The following BMX variants were observed in gnomAD, a reference collection of about 807,000 sequenced individuals.
BMX encodes the protein cytoplasmic tyrosine-protein kinase BMX.
In BMX, 31 loss-of-function variants were observed where a neutral mutation model predicts 59.2. The observed-to-expected ratio is 0.52, with a 90% CI of 0.39 to 0.71. BMX has a LOEUF of 0.71. BMX is among the 30% of genes least tolerant of loss of function. The probability of loss-of-function intolerance (pLI) is 0.00; values close to 1 mark genes in which losing one functional copy is unlikely to be tolerated. For missense variants in BMX, 474 were observed against 491.7 expected, an observed-to-expected ratio of 0.96 and a Z score of 0.34; for synonymous variants, 185 against 181.0, an observed-to-expected ratio of 1.02 and a Z score of -0.18.
At chrX:15,539,562 T>C (rs1925552569) in intron 14 of BMX, among the ~76,000 whole-genome samples, 1 of 111,565 alleles carries the variant, frequency 9.0e-6, no homozygotes, top group African/African-American at 3.3e-5. Context: ...ACTCCCAAGC[T>C]CATCAACTTG....
intron 3 of BMX, 128 bp downstream of exon 3, chrX:15,509,561 C>T (rs1038930491): frequency 2.1e-6 from 1 of 485,926 alleles, no homozygotes; most frequent in Admixed American, 4.9e-5. Flanking sequence ...AATATTCCCA[C>T]ATGGGAGTTG....
intron 11 of BMX, among the ~76,000 whole-genome samples, chrX:15,533,255 G>C (rs1285363311): frequency 1.8e-5 from 2 of 111,809 alleles, no homozygotes; most frequent in African/African-American, 6.5e-5. Context: ...GTAAACTCTT[G>C]TCATGTGGCT....
intron 11 of BMX, among the ~76,000 whole-genome samples, chrX:15,532,325 T>G (rs1299496365): frequency 9.0e-6 from 1 of 111,103 alleles, no homozygotes; most frequent in Non-Finnish European, 1.9e-5. Flanking sequence ...AGCTCTTTTT[T>G]TTTCCTTCTA....
Position 15,542,161 on chromosome X carries a change from C to T in BMX, c.1574C>T (p.Ala525Val), listed in dbSNP as rs375810047. ...TGCTACGATGTCTGTGAAGGCATGGCCTTCTTGGAGAGTCACCAATTCATA... is the reference window on the plus strand; with the variant it reads ...TGCTACGATGTCTGTGAAGGCATGGTCTTCTTGGAGAGTCACCAATTCATA... ...EMCYDVCEGM[A>V]FLESHQFIHR... The change falls in exon 15 of 19, where the codon GCC (alanine) becomes GTC (valine). Residue 525 changes from alanine to valine, a missense_variant. Transcript: ENST00000348343. 1.2e-5 allele frequency: 14 copies of T among 1,209,403 alleles called. No homozygotes were observed. Among genetic ancestry groups the T allele is most frequent in the Non-Finnish European group, 1.6e-5 (14 of 894,949 alleles).
Position 15,525,356 on chromosome X carries a change from A to G in BMX, c.821A>G (p.Lys274Arg). 2 of 1,205,849 alleles carry G rather than the reference A, an allele frequency of 1.7e-6. No individual in the cohort carries two copies. The highest frequency in any genetic ancestry group is 2.2e-6 in the Non-Finnish European group (2 of 890,576). Residue 274 changes from lysine (K) to arginine (R), a missense_variant, in exon 8 of 19, where the codon AAG becomes AGG. Coordinates refer to ENST00000348343, the MANE Select transcript of BMX (RefSeq NM_203281.3). ...AGAAATGTGAATCACACCACCTCAAAGATTTCATGGTAAATCAAATTCAGA... is the reference window on the plus strand; with the variant it reads ...AGAAATGTGAATCACACCACCTCAAGGATTTCATGGTAAATCAAATTCAGA... ...KERNVNHTTSKISWEFPESSS... is the reference protein window; with the variant it reads ...KERNVNHTTSRISWEFPESSS...
chrX:15,525,689 C>T (rs1924680929), intron 8 of BMX, among the ~76,000 whole-genome samples: 1 of 111,734 alleles, frequency 8.9e-6, no homozygotes, highest in South Asian at 3.7e-4. Flanking sequence ...ATACACAACC[C>T]AATTTTTTTT....
chrX:15,519,714 G>A (rs190605065), intron 6 of BMX, among the ~76,000 whole-genome samples: 13 of 112,100 alleles, frequency 1.2e-4, no homozygotes, highest in Admixed American at 4.7e-4. Context: ...ACTGGCATCG[G>A]CATCTGATGA....
chrX:15,546,898 G>A lies in BMX; in HGVS notation c.1772G>A (p.Ser591Asn). ...GTGTTTCATTACTTCAAATACAGCA[G>A]CAAGTCAGACGTATGGGCATTTGGT... The part of the protein sequence containing the change: ...PEVFHYFKYS[S>N]KSDVWAFGIL... The change falls in exon 17 of 19, where the codon AGC becomes AAC. Residue 591 changes from serine to asparagine, a missense_variant. Ser to Asn is a conservative substitution (Grantham distance 46). Transcript: ENST00000348343. The A allele has an allele frequency of 8.3e-7, 1 of 1,209,360 alleles. No individual in the cohort carries two copies. Among genetic ancestry groups the A allele is most frequent in the Non-Finnish European group, 1.1e-6 (1 of 893,509 alleles).
At chrX:15,535,260 A>G (rs1231683052) in intron 12 of BMX, among the ~76,000 whole-genome samples, 7 of 112,052 alleles carry the variant, frequency 6.2e-5, no homozygotes, top group Non-Finnish European at 1.1e-4. Context: ...GAATAGTGCC[A>G]CTTAAGAGCA....
Position 15,517,882 on chromosome X carries a change from T to C in BMX, c.446-47T>C, listed in dbSNP as rs191580654. ...ATTCATAACATTGAGTGTTTCTCTT[T>C]GTTTTGTTTAAAGTTCCTTCTGATA... On this transcript the variant is annotated intron_variant, in intron 5 of 18. Transcript: ENST00000348343. 5.4e-3 allele frequency: 5,710 copies of C among 1,066,857 alleles called. 13 individuals carry two copies. Among genetic ancestry groups the C allele is most frequent in the Non-Finnish European group, 6.9e-3 (5,281 of 770,010 alleles). 87.9% of individuals were successfully genotyped at this position (1,066,857 alleles called of 1,213,427 possible).
At chrX:15,512,072 G>A (rs773752214) in intron 4 of BMX, among the ~76,000 whole-genome samples, 33 of 111,856 alleles carry the variant, frequency 3.0e-4, no homozygotes, top group East Asian at 8.4e-4. Flanking sequence ...ATACAGTAAC[G>A]AGGGACTCAG....
At chrX:15,547,468 C>T (rs1925998508) in intron 17 of BMX, among the ~76,000 whole-genome samples, 1 of 111,949 alleles carries the variant, frequency 8.9e-6, no homozygotes, top group Non-Finnish European at 1.9e-5. Flanking sequence ...TTGACTCGTG[C>T]CTAGTTTCAA....
rs752736594 is a variant in BMX, at chrX:15,542,141, C to T, written c.1554C>T (p.Tyr518=). The T allele has an allele frequency of 1.1e-5, 13 of 1,209,682 alleles. No homozygotes were observed. In the Admixed American group the frequency reaches 2.0e-4, roughly 18 times the overall value. ...LEPSQLLEMC[Y]DVCEGMAFLE... ...CTTCCCAGCTCTTAGAAATGTGCTACGATGTCTGTGAAGGCATGGCCTTCT... is the reference window on the plus strand; with the variant it reads ...CTTCCCAGCTCTTAGAAATGTGCTATGATGTCTGTGAAGGCATGGCCTTCT... Residue 518 remains tyrosine (Y), a synonymous_variant, in exon 15 of 19, where the codon TAC becomes TAT. Coordinates refer to ENST00000348343, the MANE Select transcript of BMX (RefSeq NM_203281.3).
chrX:15,515,953 T>C (rs1203704656), intron 4 of BMX, among the ~76,000 whole-genome samples, 159 bp from the exon 5 acceptor site: 1 of 112,511 alleles, frequency 8.9e-6, no homozygotes, highest in Non-Finnish European at 1.9e-5. Context: ...TTATTAACTG[T>C]TGAGTGAAAG....
intron 6 of BMX, among the ~76,000 whole-genome samples, chrX:15,519,849 C>T (rs1209153402): frequency 1.8e-5 from 2 of 111,492 alleles, no homozygotes; most frequent in African/African-American, 6.5e-5. Flanking sequence ...CAACAACCAG[C>T]TCTCATGGGA....
At chrX:15,529,195 G>A (rs1924943970) in intron 9 of BMX, among the ~76,000 whole-genome samples, 2 of 111,671 alleles carry the variant, frequency 1.8e-5, no homozygotes, top group African/African-American at 6.5e-5. Context: ...ATTTTATTGA[G>A]CTGTCCACCA....
chrX:15,546,845 G>C lies in BMX; in HGVS notation c.1719G>C (p.Lys573Asn), dbSNP rs765665248. Residue 573 changes from lysine to asparagine, a missense_variant, in exon 17 of 19, where the codon AAG (lysine) becomes AAC (asparagine). Coordinates refer to ENST00000348343, the MANE Select transcript of BMX (RefSeq NM_203281.3). ...AGTATGTCAGTTCAGTCGGAACAAA[G>C]TTTCCAGTCAAGTGGTCAGCTCCAG... ...DDQYVSSVGT[K>N]FPVKWSAPEV... The C allele has an allele frequency of 1.7e-6, 2 of 1,209,269 alleles. No individual in the cohort carries two copies. Among genetic ancestry groups the C allele is most frequent in the Admixed American group, 4.4e-5 (2 of 45,682 alleles).
At chrX:15,513,673 G>A (rs1405460666) in intron 4 of BMX, among the ~76,000 whole-genome samples, 1 of 112,064 alleles carries the variant, frequency 8.9e-6, no homozygotes, top group Non-Finnish European at 1.9e-5. Flanking sequence ...ATAGGAGTGT[G>A]TGTCAATTAT....
intron 18 of BMX, among the ~76,000 whole-genome samples, chrX:15,555,240 G>A (rs910232719): frequency 2.7e-5 from 2 of 72,920 alleles, no homozygotes; most frequent in African/African-American, 1.1e-4. Flanking sequence ...ACAGAGTCTT[G>A]CTCTATCACT....
Sources: allele counts gnomAD v4.1 joint callset (sites outside exome capture counted in the v4.1 genomes callset), GRCh38; gene constraint gnomAD v4.1.1; transcripts MANE v1.5; gene names NCBI Gene and HGNC (gene_info 2026-07-23, HGNC 2026-07-21).